PHLPP1: variants seen among roughly 807,000 people sequenced by gnomAD.
The protein encoded by PHLPP1 is PH domain and leucine rich repeat protein phosphatase 1.
Under a neutral mutation model 117.2 loss-of-function variants are expected in PHLPP1, and 42 were observed. The observed-to-expected ratio is 0.36, with a 90% CI of 0.28 to 0.46. The LOEUF (loss-of-function observed/expected upper bound fraction) is 0.46. PHLPP1 is among the 20% of genes least tolerant of loss of function. PHLPP1 has a pLI of 1.00. For synonymous variants in PHLPP1, 1,042 were observed against 970.7 expected, an observed-to-expected ratio of 1.07 and a Z score of -1.37; for missense variants, 2,084 against 2,241.9, an observed-to-expected ratio of 0.93 and a Z score of 1.42.
chr18:62,957,913 GC>G (rs1230963358), intron 12 of PHLPP1, among the ~76,000 whole-genome samples: 1 of 152,088 alleles, frequency 6.6e-6, no homozygotes, highest in Non-Finnish European at 1.5e-5. Context: ...TCACTGTGTT[GC>G]CCAGGCTGAT....
intron 10 of PHLPP1, among the ~76,000 whole-genome samples, chr18:62,921,226 T>C (rs1204049165): frequency 6.6e-6 from 1 of 152,230 alleles, no homozygotes; most frequent in Non-Finnish European, 1.5e-5. Context: ...ACCATTACTT[T>C]AGAGACAATA....
At chr18:62,821,567 A>G (rs1430640899) in intron 1 of PHLPP1, among the ~76,000 whole-genome samples, 26 of 149,690 alleles carry the variant, frequency 1.7e-4, no homozygotes, top group East Asian at 9.7e-4. Context: ...AAAAAAAAAA[A>G]AAAAGAAAAG....
chr18:62,947,663 G>A (rs1910338498), intron 12 of PHLPP1, among the ~76,000 whole-genome samples: 1 of 152,162 alleles, frequency 6.6e-6, no homozygotes. Context: ...GTCTTTTAAT[G>A]TTATAAACTC....
intron 3 of PHLPP1, among the ~76,000 whole-genome samples, chr18:62,846,244 A>G (rs1183876244): frequency 4.0e-5 from 6 of 150,552 alleles, no homozygotes; most frequent in African/African-American, 1.5e-4. Context: ...ATGATAATAA[A>G]TGGAACTGTG....
In PHLPP1 at chr18:62,963,352, C is replaced by G. The variant is rs369273981; in HGVS notation, c.3456-16C>G. 2.7e-5 allele frequency: 42 copies of G among 1,570,940 alleles called. No homozygotes were observed. The highest frequency in any genetic ancestry group is 3.6e-5 in the Non-Finnish European group (41 of 1,144,688). On this transcript the variant is annotated splice_polypyrimidine_tract_variant and intron_variant, in intron 13 of 16. Coordinates refer to ENST00000262719, the MANE Select transcript of PHLPP1 (RefSeq NM_194449.4). ...GGTTTTAATGATTCCTGTTCCCTCC[C>G]TGTTTCTCTTGTTAGTAATATCCGC...
intron 1 of PHLPP1, among the ~76,000 whole-genome samples, chr18:62,826,932 G>A (rs1914628093): frequency 6.6e-6 from 1 of 152,140 alleles, no homozygotes; most frequent in Non-Finnish European, 1.5e-5. Flanking sequence ...CCTGGGAGGC[G>A]GAGGTATCAG....
chr18:62,951,687 T>TA (rs1236402983), intron 12 of PHLPP1, among the ~76,000 whole-genome samples: 2 of 151,994 alleles, frequency 1.3e-5, no homozygotes, highest in African/African-American at 4.8e-5. Flanking sequence ...CTCTTTTTTT[T>TA]AATGTAAAAA....
At chr18:62,763,437 G>T (rs938542102) in intron 1 of PHLPP1, among the ~76,000 whole-genome samples, 1 of 152,116 alleles carries the variant, frequency 6.6e-6, no homozygotes, top group African/African-American at 2.4e-5. Flanking sequence ...TTCAGCCCTG[G>T]ACTCTACCTT....
rs529585078 is a variant in PHLPP1 at position 62,904,856 on chromosome 18, T to A, written c.2648-368T>A. Among the ~76,000 whole-genome samples the A allele has an allele frequency of 3.9e-5, 6 of 152,324 alleles. No individual in the cohort carries two copies. The East Asian group carries it at 1.2e-3, about 29-fold the overall frequency. The stretch of plus-strand genomic sequence containing the variant: ...CTGGAGTGCTGTTTCAGTAAGGTGA[T>A]GAGGGCAAAAGACAAGAAGCATTAC... On this transcript the variant is annotated intron_variant, in intron 7 of 16. Coordinates refer to ENST00000262719, the MANE Select transcript of PHLPP1 (RefSeq NM_194449.4).
intron 8 of PHLPP1, among the ~76,000 whole-genome samples, chr18:62,912,045 C>G (rs1294411308): frequency 1.0e-5 from 1 of 97,388 alleles, no homozygotes; most frequent in Admixed American, 1.1e-4. Flanking sequence ...AGTAAACTAT[C>G]GCAAGAACAA....
At chr18:62,956,465 A>T (rs1910613554) in intron 12 of PHLPP1, among the ~76,000 whole-genome samples, 1 of 152,188 alleles carries the variant, frequency 6.6e-6, no homozygotes, top group Non-Finnish European at 1.5e-5. Context: ...ATATGATGAA[A>T]ATTTGTTGGG....
At chr18:62,913,735 C>A (rs1448924602) in intron 8 of PHLPP1, among the ~76,000 whole-genome samples, 3 of 113,812 alleles carry the variant, frequency 2.6e-5, no homozygotes, top group African/African-American at 9.5e-5. Context: ...AGTTCTCTCT[C>A]TCTCTTTTTT....
chr18:62,839,793 A>T (rs1268060646), intron 3 of PHLPP1: 4 of 147,568 alleles, frequency 2.7e-5, no homozygotes, highest in African/African-American at 9.9e-5. Context: ...TAATATATAT[A>T]TATAATATCT....
At chr18:62,882,563 A>T (rs1476234504) in intron 4 of PHLPP1, among the ~76,000 whole-genome samples, 2 of 152,100 alleles carry the variant, frequency 1.3e-5, no homozygotes, top group African/African-American at 2.4e-5. Context: ...CCGGCCATTC[A>T]CTTAACTATA....
chr18:62,944,827 G>A (rs1269565926), intron 11 of PHLPP1, among the ~76,000 whole-genome samples: 1 of 152,152 alleles, frequency 6.6e-6, no homozygotes, highest in African/African-American at 2.4e-5. Context: ...ACAGTAACAT[G>A]ATTATTGCCA....
intron 1 of PHLPP1, among the ~76,000 whole-genome samples, chr18:62,776,942 AGTTT>A (rs1278048574): frequency 1.3e-5 from 2 of 152,138 alleles, no homozygotes; most frequent in Non-Finnish European, 2.9e-5. Flanking sequence ...AATACATGAC[AGTTT>A]GTTTAGTCAT....
intron 11 of PHLPP1, among the ~76,000 whole-genome samples, chr18:62,943,402 T>G (rs192316944): frequency 6.6e-6 from 1 of 152,378 alleles, no homozygotes; most frequent in Admixed American, 6.5e-5. Flanking sequence ...TTCACATCTT[T>G]TGCCACCTTC....
intron 1 of PHLPP1, among the ~76,000 whole-genome samples, chr18:62,772,901 A>G (rs1912835592): frequency 6.6e-6 from 1 of 151,922 alleles, no homozygotes; most frequent in Non-Finnish European, 1.5e-5. Flanking sequence ...AAAAACAAGT[A>G]ACAAAATACA....
chr18:62,785,378 CTGTT>C (rs1233743311), intron 1 of PHLPP1, among the ~76,000 whole-genome samples: 2 of 152,154 alleles, frequency 1.3e-5, no homozygotes, highest in Non-Finnish European at 2.9e-5. Flanking sequence ...AGCGGTTGCT[CTGTT>C]TGTTAGAGCA....
Sources: gnomAD v4.1 joint callset for allele counts (sites outside exome capture counted in the v4.1 genomes callset) on GRCh38, gnomAD v4.1.1 for gene constraint, MANE v1.5 for transcripts, NCBI Gene and HGNC (gene_info 2026-07-23, HGNC 2026-07-21) for gene names.